SLC7A14: variants seen among roughly 807,000 people sequenced by gnomAD.
SLC7A14 encodes the protein solute carrier family 7 member 14, also known as gamma-aminobutyric acid transporter SLC7A14.
Under a neutral mutation model 60.2 loss-of-function variants are expected in SLC7A14, and 37 were observed. The observed-to-expected ratio is 0.61, with a 90% CI of 0.47 to 0.81. The LOEUF is 0.81. SLC7A14 is among the 30% of genes least tolerant of loss of function. The probability of loss-of-function intolerance (pLI) is 0.00; values close to 1 mark genes in which losing one functional copy is unlikely to be tolerated. For synonymous variants in SLC7A14, 399 were observed against 395.8 expected, an observed-to-expected ratio of 1.01 and a Z score of -0.10; for missense variants, 886 against 982.7, an observed-to-expected ratio of 0.90 and a Z score of 1.32.
At chr3:170,534,687 G>A (rs1419322035) in intron 1 of SLC7A14, among the ~76,000 whole-genome samples, 1 of 152,146 alleles carries the variant, frequency 6.6e-6, no homozygotes, top group Non-Finnish European at 1.5e-5. Flanking sequence ...ATGATTGCCT[G>A]TAAATAGGTA....
chr3:170,501,130 C>A lies in SLC7A14; in HGVS notation c.520G>T (p.Val174Leu), dbSNP rs147696235. The A allele has an allele frequency of 6.2e-7, 1 of 1,614,090 alleles. No individual in the cohort carries two copies. The highest frequency in any genetic ancestry group is 1.3e-5 in the African/African-American group (1 of 74,932). ...HTISRWMADS[V>L]GTLNGLGKGE... ...TCACCCAGGCCATTGAGGGTTCCCA[C>A]GCTGTCCGCCATCCAGCGGCTGATG... is the stretch of plus-strand genomic sequence containing the variant. Residue 174 changes from valine to leucine, a missense_variant, in exon 3 of 8, where the codon GTG (valine) becomes TTG (leucine). Coordinates refer to ENST00000231706, the MANE Select transcript of SLC7A14 (RefSeq NM_020949.3).
rs768112164 is a variant in SLC7A14, at chr3:170,526,803, T to C, written c.134A>G (p.His45Arg). The change falls in exon 2 of 8, where the codon CAT becomes CGT. Residue 45 changes from histidine to arginine, a missense_variant. By Grantham distance (29) the His-to-Arg change is conservative (BLOSUM62 0). Coordinates refer to ENST00000231706, the MANE Select transcript of SLC7A14 (RefSeq NM_020949.3). Reference protein sequence around the residue: ...MLEGTGTTTAHGTKLAQVLTT... With the variant: ...MLEGTGTTTARGTKLAQVLTT... Reference sequence around the variant, plus strand: ...GAGTACCTGGGCTAGCTTAGTTCCATGTGCCGTGGTGGTCCCAGTTCCCTC... The same window carrying C: ...GAGTACCTGGGCTAGCTTAGTTCCACGTGCCGTGGTGGTCCCAGTTCCCTC... The C allele has an allele frequency of 1.1e-5, 18 of 1,614,120 alleles. No homozygotes were observed. The highest frequency in any genetic ancestry group is 1.3e-5 in the African/African-American group (1 of 74,950).
At chr3:170,512,818 T>G (rs942894511) in intron 2 of SLC7A14, among the ~76,000 whole-genome samples, 2 of 151,642 alleles carry the variant, frequency 1.3e-5, no homozygotes, top group Non-Finnish European at 2.9e-5. Context: ...CGCCCGCCAC[T>G]ACGCCCGGCT....
intron 4 of SLC7A14, among the ~76,000 whole-genome samples, chr3:170,488,762 G>A (rs922996022): frequency 3.3e-5 from 5 of 152,178 alleles, no homozygotes; most frequent in Admixed American, 6.5e-5. Context: ...AAACATTGGG[G>A]GAAAATCTTC....
Position 170,575,702 on chromosome 3 carries a change from C to T in SLC7A14, c.-153+10209G>A, listed in dbSNP as rs570546623. ...CTAGGTTCTAGCTCTTATACTGCCACAAATTTACTAGCTGACTTTGGGCAA... is the reference window on the plus strand; with the variant it reads ...CTAGGTTCTAGCTCTTATACTGCCATAAATTTACTAGCTGACTTTGGGCAA... On this transcript the variant is annotated intron_variant, in intron 1 of 7. Coordinates refer to ENST00000231706, the MANE Select transcript of SLC7A14 (RefSeq NM_020949.3). Among the ~76,000 whole-genome samples the T allele has an allele frequency of 1.2e-4, 18 of 152,272 alleles. No homozygotes were observed. The South Asian group carries it at 3.7e-3, about 32-fold the overall frequency.
At chr3:170,533,761 C>G (rs570289036) in intron 1 of SLC7A14, among the ~76,000 whole-genome samples, 2 of 152,268 alleles carry the variant, frequency 1.3e-5, no homozygotes, top group South Asian at 2.1e-4. Context: ...GACAAATTCA[C>G]TTAGATGTAC....
chr3:170,486,795 C>T, intron 4 of SLC7A14, among the ~76,000 whole-genome samples: 2 of 151,014 alleles, frequency 1.3e-5, no homozygotes. Flanking sequence ...TTGCTTGAAC[C>T]CAGGAGGCAG....
chr3:170,533,159 A>G (rs1454138647), intron 1 of SLC7A14, among the ~76,000 whole-genome samples: 2 of 152,114 alleles, frequency 1.3e-5, no homozygotes, highest in African/African-American at 4.8e-5. Flanking sequence ...CCTCTCCTGA[A>G]GTCCTTGCTC....
intron 4 of SLC7A14, among the ~76,000 whole-genome samples, chr3:170,495,346 A>G (rs1712349661): frequency 1.3e-5 from 2 of 152,220 alleles, no homozygotes; most frequent in Admixed American, 1.3e-4. Flanking sequence ...TTCCTGCTAC[A>G]ATGAAAATGC....
chr3:170,487,679 T>C (rs1712077704), intron 4 of SLC7A14, among the ~76,000 whole-genome samples: 1 of 152,186 alleles, frequency 6.6e-6, no homozygotes, highest in African/African-American at 2.4e-5. Flanking sequence ...CAAACTTTGC[T>C]CATCTGTAAA....
Position 170,465,548 on chromosome 3 carries a change from C to A in SLC7A14, c.*1507G>T, listed in dbSNP as rs529429084. 4.6e-5 allele frequency: 7 copies of A among 152,290 alleles called. No homozygotes were observed. The highest frequency in any genetic ancestry group is 7.2e-5 in the African/African-American group (3 of 41,562). The allele number at this position is 152,290 out of a possible 1,614,324, so 9.4% of individuals were successfully genotyped here. On this transcript the variant is annotated 3_prime_UTR_variant, in exon 8 of 8. Transcript: ENST00000231706. ...CAGAAAGAACAGACTTGAGTGCTAG[C>A]GAATATGTTCTGGAAAACGTTTGGC...
At chr3:170,551,830 C>A (rs1442167308) in intron 1 of SLC7A14, among the ~76,000 whole-genome samples, 1 of 152,108 alleles carries the variant, frequency 6.6e-6, no homozygotes. Context: ...CCATTCTGTG[C>A]TTTTCCTTTT....
intron 5 of SLC7A14, 22 bp downstream of exon 5, chr3:170,486,200 C>T (rs1286466399): frequency 1.2e-6 from 2 of 1,612,954 alleles, no homozygotes; most frequent in Non-Finnish European, 1.7e-6. Context: ...TGAGGAGGGT[C>T]CCGCAAGCAT....
At chr3:170,525,782 C>CG (rs1421062608) in intron 2 of SLC7A14, among the ~76,000 whole-genome samples, 1 of 152,106 alleles carries the variant, frequency 6.6e-6, no homozygotes, top group Non-Finnish European at 1.5e-5. Context: ...AGGCCGGGAG[C>CG]GGAGGTTCAC....
chr3:170,544,354 A>G (rs1714114768), intron 1 of SLC7A14, among the ~76,000 whole-genome samples: 1 of 152,214 alleles, frequency 6.6e-6, no homozygotes, highest in African/African-American at 2.4e-5. Context: ...ACACAGACAC[A>G]CACACAAAAG....
intron 7 of SLC7A14, among the ~76,000 whole-genome samples, chr3:170,470,584 C>T (rs892544966): frequency 1.3e-5 from 2 of 152,092 alleles, no homozygotes; most frequent in African/African-American, 2.4e-5. Flanking sequence ...GATGCAAAGC[C>T]GTTCCCCTAG....
chr3:170,553,891 T>G (rs1372002851), intron 1 of SLC7A14, among the ~76,000 whole-genome samples: 1 of 151,924 alleles, frequency 6.6e-6, no homozygotes, highest in Non-Finnish European at 1.5e-5. Flanking sequence ...AATATTATCT[T>G]TTTTTTCTCT....
chr3:170,473,908 A>G (rs972135765), intron 7 of SLC7A14, among the ~76,000 whole-genome samples: 5 of 152,178 alleles, frequency 3.3e-5, no homozygotes, highest in Non-Finnish European at 7.3e-5. Flanking sequence ...GCAGTATATA[A>G]TGGCCATGAG....
intron 1 of SLC7A14, among the ~76,000 whole-genome samples, chr3:170,553,320 C>T (rs1714400141): frequency 6.6e-6 from 1 of 152,170 alleles, no homozygotes; most frequent in African/African-American, 2.4e-5. Flanking sequence ...TGTTCTAGTT[C>T]TTCTGAGACA....
Sources: allele counts gnomAD v4.1 joint callset (sites outside exome capture counted in the v4.1 genomes callset), GRCh38; gene constraint gnomAD v4.1.1; transcripts MANE v1.5; gene names NCBI Gene and HGNC (gene_info 2026-07-23, HGNC 2026-07-21).